Variants in ASIC2 observed in about 807,000 individuals in gnomAD.
ASIC2 encodes acid sensing ion channel subunit 2, also known as acid-sensing ion channel 2.
ASIC2 carries 25 observed loss-of-function variants against 57.3 expected under a neutral mutation model. The observed-to-expected ratio is 0.44, with a 90% CI of 0.32 to 0.61. The LOEUF (loss-of-function observed/expected upper bound fraction) is 0.61. Ranked by LOEUF, ASIC2 falls within the 20% of genes least tolerant of loss-of-function variation. ASIC2 has a pLI of 0.06. For synonymous variants in ASIC2, 319 were observed against 307.5 expected (o/e 1.04, Z -0.39); for missense variants, 641 against 738.1 (o/e 0.87, Z 1.52).
chr17:33,543,893 T>C (rs1001818584), intron 1 of ASIC2, among the ~76,000 whole-genome samples: 2 of 152,220 alleles, frequency 1.3e-5, no homozygotes, highest in African/African-American at 4.8e-5. Flanking sequence ...ATAATTTATA[T>C]ACAGTAAAGT....
chr17:34,106,187 T>A (rs1391775590), intron 1 of ASIC2, among the ~76,000 whole-genome samples: 1 of 152,164 alleles, frequency 6.6e-6, no homozygotes, highest in Non-Finnish European at 1.5e-5. Flanking sequence ...TCACACACTA[T>A]CTTAGGATAT....
At chr17:33,617,463 A>G (rs113096593) in intron 1 of ASIC2, among the ~76,000 whole-genome samples, 3,955 of 152,278 alleles carry the variant, frequency 0.026, 176 homozygotes, top group African/African-American at 0.089. Context: ...ACACATGGAC[A>G]CAAAGAAAGG....
At chr17:33,140,103 C>T (rs954048817) in intron 1 of ASIC2, among the ~76,000 whole-genome samples, 2 of 152,250 alleles carry the variant, frequency 1.3e-5, no homozygotes, top group Admixed American at 6.5e-5. Context: ...CCCAGAGCTA[C>T]TGAACCAGAC....
Position 33,898,220 on chromosome 17 carries a change from C to CTTTTTTTTTTTTTTTTTTT in ASIC2, c.555+257739_555+257757dup, listed in dbSNP as rs771624171. Among the ~76,000 whole-genome samples, 28 of 66,182 alleles carry CTTTTTTTTTTTTTTTTTTT rather than the reference C, an allele frequency of 4.2e-4. 5 individuals carry two copies. Among genetic ancestry groups the CTTTTTTTTTTTTTTTTTTT allele is most frequent in the African/African-American group, 7.7e-4 (13 of 16,776 alleles). 43.4% of individuals were successfully genotyped at this position (66,182 alleles called of 152,430 possible). On this transcript the variant is annotated intron_variant, in intron 1 of 9. Transcript: ENST00000359872. ...AAACTGCCCAGAGTTCATGTATAATCTTTTTTTTTTTTTTTTTTTTTTTTT... is the reference window on the plus strand; with the variant it reads ...AAACTGCCCAGAGTTCATGTATAATCTTTTTTTTTTTTTTTTTTTTTTTTTTTTTTTTTTTTTTTTTTTT...
chr17:33,049,817 A>C (rs2091968232), intron 3 of ASIC2, among the ~76,000 whole-genome samples: 1 of 152,190 alleles, frequency 6.6e-6, no homozygotes, highest in Non-Finnish European at 1.5e-5. Context: ...CAGGCGCTCC[A>C]AAGTGTGCTC....
At chr17:33,506,532 A>G (rs1851396572) in intron 1 of ASIC2, among the ~76,000 whole-genome samples, 2 of 152,196 alleles carry the variant, frequency 1.3e-5, no homozygotes, top group South Asian at 4.1e-4. Flanking sequence ...CTAGGCATCA[A>G]TGAAAAAATA....
At position 33,474,448 on chromosome 17, in the gene ASIC2, G is replaced by T. The variant is rs139478923; in HGVS notation, c.556-362381C>A. ...TTTAAGCAAGGCCTCTTTACAAAGG[G>T]ACTAGTGAGAAAGGAATGGGTGTAA... On this transcript the variant is annotated intron_variant, in intron 1 of 9. Coordinates refer to the ASIC2 transcript ENST00000359872. 2.1e-3 allele frequency among the ~76,000 whole-genome samples: 314 copies of T among 152,344 alleles called. 2 individuals are homozygous for T. Among genetic ancestry groups the T allele is most frequent in the African/African-American group, 7.1e-3 (297 of 41,590 alleles).
At chr17:33,500,746 A>G (rs1895978834) in intron 1 of ASIC2, among the ~76,000 whole-genome samples, 1 of 152,220 alleles carries the variant, frequency 6.6e-6, no homozygotes, top group Admixed American at 6.5e-5. Flanking sequence ...CTAAAGGATT[A>G]TACCTTTTAA....
At chr17:34,015,783 C>T (rs561514709) in intron 1 of ASIC2, among the ~76,000 whole-genome samples, 67 of 152,314 alleles carry the variant, frequency 4.4e-4, no homozygotes, top group African/African-American at 1.5e-3. Context: ...AATAGTAAGA[C>T]GTTTAGGTTA....
intron 1 of ASIC2, among the ~76,000 whole-genome samples, chr17:34,110,597 C>T (rs1362175091): frequency 6.6e-6 from 1 of 152,144 alleles, no homozygotes; most frequent in African/African-American, 2.4e-5. Flanking sequence ...ATGTCAAATC[C>T]AATTTGGGAG....
chr17:33,608,035 C>G (rs768141461), intron 1 of ASIC2, among the ~76,000 whole-genome samples: 8 of 152,046 alleles, frequency 5.3e-5, no homozygotes, highest in Non-Finnish European at 1.2e-4. Flanking sequence ...ACCTAACGGA[C>G]AGAAGCAGAG....
chr17:33,075,396 C>T (rs1172473781), intron 3 of ASIC2, among the ~76,000 whole-genome samples: 1 of 152,152 alleles, frequency 6.6e-6, no homozygotes, highest in African/African-American at 2.4e-5. Flanking sequence ...TGGACTAATA[C>T]AGGTGGGAAG....
intron 1 of ASIC2, among the ~76,000 whole-genome samples, chr17:34,151,864 G>A (rs1490741234): frequency 6.6e-6 from 1 of 152,126 alleles, no homozygotes; most frequent in Non-Finnish European, 1.5e-5. Context: ...ATAGCTCTAA[G>A]TGATAGGTAT....
chr17:33,157,566 C>A (rs1310365160), intron 1 of ASIC2, among the ~76,000 whole-genome samples: 3 of 152,262 alleles, frequency 2.0e-5, no homozygotes, highest in South Asian at 4.1e-4. Flanking sequence ...CCTGGAGTCA[C>A]CTTTGACTCC....
intron 1 of ASIC2, among the ~76,000 whole-genome samples, chr17:33,625,582 G>T (rs984294898): frequency 6.6e-6 from 1 of 152,184 alleles, no homozygotes; most frequent in African/African-American, 2.4e-5. Flanking sequence ...CACAGAAATT[G>T]ATAACTAATA....
intron 1 of ASIC2, among the ~76,000 whole-genome samples, chr17:33,969,404 C>T (rs1433962798): frequency 6.6e-6 from 1 of 152,138 alleles, no homozygotes; most frequent in Non-Finnish European, 1.5e-5. Context: ...TTGGTTCCTG[C>T]AGGCACAAGG....
chr17:33,159,046 C>T (rs752272440), intron 1 of ASIC2, among the ~76,000 whole-genome samples: 18 of 152,294 alleles, frequency 1.2e-4, no homozygotes, highest in South Asian at 8.3e-4. Flanking sequence ...TGGGGATGTG[C>T]GTGGTTACCA....
At chr17:33,528,295 T>C (rs1914948896) in intron 1 of ASIC2, among the ~76,000 whole-genome samples, 1 of 151,710 alleles carries the variant, frequency 6.6e-6, no homozygotes, top group Non-Finnish European at 1.5e-5. Context: ...ATGGGCTTCC[T>C]GTGGGGAAAA....
intron 1 of ASIC2, among the ~76,000 whole-genome samples, chr17:33,280,152 G>C (rs753896643): frequency 6.6e-6 from 1 of 152,066 alleles, no homozygotes; most frequent in Admixed American, 6.6e-5. Flanking sequence ...AAGAGCGTAG[G>C]AGACATTGCT....
Sources: allele counts gnomAD v4.1 joint callset (sites outside exome capture counted in the v4.1 genomes callset), GRCh38; gene constraint gnomAD v4.1.1; transcripts MANE v1.5; gene names NCBI Gene and HGNC (gene_info 2026-07-23, HGNC 2026-07-21).